BTF3L4: variants seen among roughly 807,000 people sequenced by gnomAD.
BTF3L4 encodes the protein basic transcription factor 3 like 4, also known as transcription factor BTF3 homolog 4.
Under a neutral mutation model 16.8 loss-of-function variants are expected in BTF3L4, and 6 were observed. The observed-to-expected ratio is 0.36, with a 90% CI of 0.20 to 0.71. The LOEUF is 0.71. Among genes scored for constraint, BTF3L4 ranks in the 30% least tolerant of loss-of-function variants. BTF3L4 has a pLI of 0.58. For synonymous variants in BTF3L4, 39 were observed against 59.8 expected (o/e 0.65, Z 1.60); for missense variants, 92 against 186.9 (o/e 0.49, Z 2.96).
chr1:52,079,808 C>G (rs1358963751), intron 3 of BTF3L4, among the ~76,000 whole-genome samples: 1 of 151,350 alleles, frequency 6.6e-6, no homozygotes, highest in Non-Finnish European at 1.5e-5. Flanking sequence ...GGCCTATATC[C>G]TGAAATAAAT....
At chr1:52,079,893 A>C (rs1278848139) in intron 3 of BTF3L4, among the ~76,000 whole-genome samples, 1 of 121,054 alleles carries the variant, frequency 8.3e-6, no homozygotes. Flanking sequence ...TTTTTTTGAG[A>C]CAGGGTCTCG....
chr1:52,080,262 C>T (rs1391694884), intron 3 of BTF3L4, among the ~76,000 whole-genome samples: 1 of 152,124 alleles, frequency 6.6e-6, no homozygotes, highest in African/African-American at 2.4e-5. Flanking sequence ...TTAAAGTCCT[C>T]GGTTTGCACT....
At chr1:52,059,105 G>T (rs1686447270) in intron 1 of BTF3L4, among the ~76,000 whole-genome samples, 1 of 151,226 alleles carries the variant, frequency 6.6e-6, no homozygotes. Context: ...CTGTAGCAAA[G>T]ATATGTTTTT....
chr1:52,073,488 CTACA>C (rs1558007690), intron 3 of BTF3L4, among the ~76,000 whole-genome samples: 1 of 87,300 alleles, frequency 1.1e-5, no homozygotes, highest in Non-Finnish European at 2.2e-5. Context: ...TATATATATG[CTACA>C]TACACACACA....
chr1:52,074,798 T>C (rs2124433921), intron 3 of BTF3L4, among the ~76,000 whole-genome samples: 1 of 152,206 alleles, frequency 6.6e-6, no homozygotes, highest in South Asian at 2.1e-4. Context: ...CATGAGCCAC[T>C]GCGTCCGGCT....
intron 5 of BTF3L4, 142 bp downstream of exon 5, chr1:52,086,313 G>A (rs769021127): frequency 8.7e-6 from 5 of 575,068 alleles, no homozygotes; most frequent in Non-Finnish European, 1.2e-5. Context: ...AGGATCTAAT[G>A]AAAAACAACG....
At chr1:52,075,648 A>C (rs1686913599) in intron 3 of BTF3L4, among the ~76,000 whole-genome samples, 1 of 148,214 alleles carries the variant, frequency 6.7e-6, no homozygotes, top group Admixed American at 6.8e-5. Context: ...TGTATATAAT[A>C]AAATATATGT....
rs1466755543 is a variant in BTF3L4, at chr1:52,088,229, G to A, written c.*1471G>A. On this transcript the variant is annotated 3_prime_UTR_variant, in exon 6 of 6. Transcript: ENST00000313334. Reference sequence around the variant, plus strand: ...GATATCTTTATTTGATATCTAAGGTGCAAGACCAACAATATATTAAGAGAT... The same window carrying A: ...GATATCTTTATTTGATATCTAAGGTACAAGACCAACAATATATTAAGAGAT... 6.6e-6 allele frequency: 1 copy of A among 152,506 alleles called. No homozygotes were observed. Among genetic ancestry groups the A allele is most frequent in the Non-Finnish European group, 1.5e-5 (1 of 68,032 alleles). The allele number at this position is 152,506 out of a possible 1,614,324, so 9.4% of individuals were successfully genotyped here. A position where few individuals can be genotyped will look rare whatever the true frequency, so the allele number is the denominator to read the frequency against.
chr1:52,083,204 G>A (rs929177124), intron 3 of BTF3L4, 136 bp from the exon 4 acceptor site: 39 of 674,558 alleles, frequency 5.8e-5, no homozygotes, highest in East Asian at 1.1e-4. Flanking sequence ...ACGAATGTCC[G>A]TTGCTTGGCC....
intron 1 of BTF3L4, among the ~76,000 whole-genome samples, chr1:52,058,445 G>A (rs1360464337): frequency 6.6e-6 from 1 of 152,074 alleles, no homozygotes; most frequent in Non-Finnish European, 1.5e-5. Flanking sequence ...TCTCTCAAAT[G>A]AAGCAAACAG....
At chr1:52,059,149 T>A (rs1245930997) in intron 1 of BTF3L4, among the ~76,000 whole-genome samples, 3 of 152,144 alleles carry the variant, frequency 2.0e-5, no homozygotes, top group East Asian at 3.8e-4. Context: ...TTACCCTGTA[T>A]GCAAGAATGT....
chr1:52,070,579 A>G lies in BTF3L4; in HGVS notation c.168+5641A>G, dbSNP rs1430017453. ...TCTCAAAAAAAAAAAAAACAAAACT[A>G]AGGGATGAGGGGTTTCAGAGACAGT... On this transcript the variant is annotated intron_variant, in intron 3 of 5. Transcript: ENST00000313334. Among the ~76,000 whole-genome samples the G allele has an allele frequency of 2.0e-5, 3 of 147,732 alleles. No homozygotes were observed. The East Asian group carries it at 6.0e-4, about 30-fold the overall frequency.
At chr1:52,064,412 C>G (rs1394887301) in intron 2 of BTF3L4, among the ~76,000 whole-genome samples, 1 of 151,990 alleles carries the variant, frequency 6.6e-6, no homozygotes, top group Non-Finnish European at 1.5e-5. Flanking sequence ...CAGTTATGTC[C>G]TAATTCCCCA....
Position 52,086,093 on chromosome 1 carries a change from T to G in BTF3L4, c.371-19T>G. 6.4e-7 allele frequency: 1 copy of G among 1,565,960 alleles called. No individual in the cohort carries two copies. The highest frequency in any genetic ancestry group is 8.7e-7 in the Non-Finnish European group (1 of 1,150,958). The stretch of plus-strand genomic sequence containing the variant: ...GGTCTTTGTTCTCAATGACTAATAT[T>G]AAAATAAACTTTTTGTAGTCTTGGA... On this transcript the variant is annotated intron_variant, in intron 4 of 5. Coordinates refer to ENST00000313334, the MANE Select transcript of BTF3L4 (RefSeq NM_152265.5).
chr1:52,057,075 C>T (rs1220556907), intron 1 of BTF3L4, among the ~76,000 whole-genome samples: 2 of 152,184 alleles, frequency 1.3e-5, no homozygotes, highest in African/African-American at 4.8e-5. Context: ...ACCCTCAAAA[C>T]AACCCTGTGA....
At chr1:52,060,494 C>G (rs532425122) in intron 2 of BTF3L4, 1 of 1,265,526 alleles carries the variant, frequency 7.9e-7, no homozygotes, top group African/African-American at 1.5e-5. Flanking sequence ...TTCTTATTCC[C>G]TGTACTTTTT....
intron 3 of BTF3L4, chr1:52,065,185 G>C (rs1354742060): frequency 4.2e-6 from 1 of 236,952 alleles, no homozygotes; most frequent in Non-Finnish European, 8.1e-6. Flanking sequence ...GCAAAATTAT[G>C]TAAGTGTTCT....
chr1:52,084,266 A>G (rs1643949136), intron 4 of BTF3L4, among the ~76,000 whole-genome samples: 1 of 152,030 alleles, frequency 6.6e-6, no homozygotes, highest in African/African-American at 2.4e-5. Context: ...CAGCCTCCCG[A>G]GTAGCAGGGA....
intron 3 of BTF3L4, among the ~76,000 whole-genome samples, chr1:52,076,211 G>T (rs1321772238): frequency 1.3e-5 from 2 of 152,102 alleles, no homozygotes; most frequent in Non-Finnish European, 2.9e-5. Context: ...AGGAGGTGCA[G>T]GTTGCGTTGA....
Sources: allele counts gnomAD v4.1 joint callset (sites outside exome capture counted in the v4.1 genomes callset), GRCh38; gene constraint gnomAD v4.1.1; transcripts MANE v1.5; gene names NCBI Gene and HGNC (gene_info 2026-07-23, HGNC 2026-07-21).